VPS13B: variants seen among roughly 807,000 people sequenced by gnomAD.
VPS13B encodes the protein intermembrane lipid transfer protein VPS13B.
VPS13B carries 285 observed loss-of-function variants against 426.4 expected under a neutral mutation model. The ratio of observed to expected loss-of-function variants is 0.67; its 90% CI spans 0.61 to 0.74. The LOEUF is 0.74. Among genes scored for constraint, VPS13B ranks in the 30% least tolerant of loss-of-function variants. VPS13B has a pLI of 0.00. For synonymous variants in VPS13B, 1,676 were observed against 1,676.4 expected, an observed-to-expected ratio of 1.00 and a Z score of 0.01; for missense variants, 4,537 against 4,782.6, an observed-to-expected ratio of 0.95 and a Z score of 1.51.
At chr8:99,823,321 G>A (rs926236768) in intron 50 of VPS13B, among the ~76,000 whole-genome samples, 3 of 152,140 alleles carry the variant, frequency 2.0e-5, no homozygotes, top group African/African-American at 7.2e-5. Context: ...CTTGAAACTA[G>A]TGGAACACAA....
chr8:99,763,520 A>C (rs1811054154), intron 39 of VPS13B, among the ~76,000 whole-genome samples: 1 of 152,236 alleles, frequency 6.6e-6, no homozygotes, highest in African/African-American at 2.4e-5. Flanking sequence ...AAGAGCTGTA[A>C]AAGACATTCC....
At chr8:99,132,048 C>T (rs546218277) in intron 8 of VPS13B, among the ~76,000 whole-genome samples, 1 of 152,212 alleles carries the variant, frequency 6.6e-6, no homozygotes, top group African/African-American at 2.4e-5. Context: ...AGGCATGCAC[C>T]ACCACGCTTG....
At chr8:99,868,258 C>G (rs766891495) in intron 58 of VPS13B, 31 bp from the exon 59 acceptor site, 1 of 1,613,994 alleles carries the variant, frequency 6.2e-7, no homozygotes, top group Admixed American at 1.7e-5. Flanking sequence ...TTTTAAGCCT[C>G]TGTCCTTACT....
At chr8:99,082,142 A>G (rs1239528222) in intron 3 of VPS13B, among the ~76,000 whole-genome samples, 1 of 152,178 alleles carries the variant, frequency 6.6e-6, no homozygotes, top group Non-Finnish European at 1.5e-5. Flanking sequence ...TGACTTTTTA[A>G]TGAGTGCCAT....
At chr8:99,642,819 G>A (rs1266890322) in intron 34 of VPS13B, among the ~76,000 whole-genome samples, 1 of 152,088 alleles carries the variant, frequency 6.6e-6, no homozygotes, top group Non-Finnish European at 1.5e-5. Flanking sequence ...CATATTAATG[G>A]CCCATAGGTA....
intron 39 of VPS13B, among the ~76,000 whole-genome samples, chr8:99,751,361 A>C (rs1364109501): frequency 6.6e-6 from 1 of 152,164 alleles, no homozygotes; most frequent in East Asian, 1.9e-4. Context: ...TGATAGTTAA[A>C]TTAATTCATT....
intron 35 of VPS13B, chr8:99,696,542 G>T: frequency 2.1e-6 from 1 of 482,798 alleles, no homozygotes; most frequent in South Asian, 2.0e-5. Flanking sequence ...TGCCGCCCGT[G>T]ACCATGAAGC....
At chr8:99,365,483 A>G (rs1426129082) in intron 19 of VPS13B, among the ~76,000 whole-genome samples, 1 of 146,354 alleles carries the variant, frequency 6.8e-6, no homozygotes, top group Non-Finnish European at 1.5e-5. Flanking sequence ...TATTTGTTTC[A>G]AGAAATTTTC....
chr8:99,048,046 G>A (rs1843323241), intron 3 of VPS13B, among the ~76,000 whole-genome samples: 1 of 152,092 alleles, frequency 6.6e-6, no homozygotes, highest in Admixed American at 6.5e-5. Flanking sequence ...GATAGGTCGT[G>A]TCACAATTGT....
At chr8:99,088,659 C>A (rs1406116643) in intron 3 of VPS13B, among the ~76,000 whole-genome samples, 1 of 152,144 alleles carries the variant, frequency 6.6e-6, no homozygotes, top group Admixed American at 6.5e-5. Flanking sequence ...TGCTCTTGGC[C>A]AAATACTCAG....
intron 3 of VPS13B, among the ~76,000 whole-genome samples, chr8:99,079,512 T>C (rs1367333255): frequency 6.6e-6 from 1 of 152,232 alleles, no homozygotes; most frequent in East Asian, 1.9e-4. Flanking sequence ...TTTATAAATG[T>C]TAACTGCTGT....
chr8:99,818,755 G>C lies in VPS13B; in HGVS notation c.8488G>C (p.Asp2830His). ...PLFIMRSHLPDPIIIHLEKRS... is the reference protein window; with the variant it reads ...PLFIMRSHLPHPIIIHLEKRS... ...TTTTATCATGAGGAGTCATCTTCCA[G>C]ACCCCATTATCATACATTTGGAGAA... is the stretch of plus-strand genomic sequence containing the variant. The change falls in exon 47 of 62, where the codon GAC becomes CAC. Residue 2830 changes from aspartate (D) to histidine (H), a missense_variant. By Grantham distance (81) the Asp-to-His change is moderately conservative. Around this residue, in one of 2 missense-constraint regions of VPS13B, gnomAD observed 4,311 missense variants for 4,474.3 expected, o/e 0.96. Coordinates refer to ENST00000357162, the MANE Select transcript of VPS13B (RefSeq NM_152564.5). The C allele has an allele frequency of 1.9e-6, 3 of 1,613,886 alleles. No individual in the cohort carries two copies. The highest frequency in any genetic ancestry group is 2.5e-6 in the Non-Finnish European group (3 of 1,179,944).
chr8:99,507,542 C>T (rs1032882182), intron 28 of VPS13B, among the ~76,000 whole-genome samples: 9 of 152,062 alleles, frequency 5.9e-5, no homozygotes, highest in Admixed American at 5.2e-4. Flanking sequence ...TGTTCTTTAC[C>T]ATAAACTGGA....
At chr8:99,317,940 A>G (rs897492028) in intron 19 of VPS13B, among the ~76,000 whole-genome samples, 1 of 152,146 alleles carries the variant, frequency 6.6e-6, no homozygotes, top group Non-Finnish European at 1.5e-5. Flanking sequence ...TTATATATGT[A>G]TATATATGTG....
chr8:99,080,408 A>G (rs1051893707), intron 3 of VPS13B, among the ~76,000 whole-genome samples: 4 of 152,010 alleles, frequency 2.6e-5, no homozygotes, highest in African/African-American at 7.2e-5. Context: ...TCTTTTAATC[A>G]GTGGGGTTTG....
At chr8:99,793,273 A>T (rs1563919802) in intron 43 of VPS13B, among the ~76,000 whole-genome samples, 4 of 144,618 alleles carry the variant, frequency 2.8e-5, no homozygotes, top group African/African-American at 5.1e-5. Flanking sequence ...ATATATATAT[A>T]TATATATATA....
intron 30 of VPS13B, among the ~76,000 whole-genome samples, chr8:99,546,658 A>G (rs1403497758): frequency 6.6e-6 from 1 of 152,046 alleles, no homozygotes; most frequent in East Asian, 1.9e-4. Flanking sequence ...TAATATTATT[A>G]CTATCATTTA....
intron 44 of VPS13B, among the ~76,000 whole-genome samples, chr8:99,813,848 G>A (rs2130799774): frequency 6.6e-6 from 1 of 152,254 alleles, no homozygotes; most frequent in Non-Finnish European, 1.5e-5. Flanking sequence ...TTAAATAATA[G>A]TTCATCCCAG....
At chr8:99,547,916 T>G (rs759866595) in intron 30 of VPS13B, among the ~76,000 whole-genome samples, 1 of 152,104 alleles carries the variant, frequency 6.6e-6, no homozygotes, top group Non-Finnish European at 1.5e-5. Context: ...GACAGCAAAG[T>G]TCATAGAGCT....
Sources: gnomAD v4.1 joint callset for allele counts (sites outside exome capture counted in the v4.1 genomes callset) on GRCh38, gnomAD v4.1.1 for gene constraint, gnomAD v4.1.1 regional missense constraint, MANE v1.5 for transcripts, NCBI Gene and HGNC (gene_info 2026-07-23, HGNC 2026-07-21) for gene names.